CDK5RAP3: variants seen among roughly 807,000 people sequenced by gnomAD.
The protein encoded by CDK5RAP3 is CDK5 regulatory subunit associated protein 3, also known as CDK5 regulatory subunit-associated protein 3.
CDK5RAP3 carries 58 observed loss-of-function variants against 73.3 expected under a neutral mutation model. That is an observed-to-expected ratio of 0.79 (90% CI 0.64 to 0.98). CDK5RAP3 has a LOEUF of 0.98. Ranked by LOEUF, CDK5RAP3 falls within the 50% of genes least tolerant of loss-of-function variation. The probability of loss-of-function intolerance (pLI) is 0.00; values close to 1 mark genes in which losing one functional copy is unlikely to be tolerated. For synonymous variants in CDK5RAP3, 224 were observed against 247.5 expected (o/e 0.91, Z 0.89); for missense variants, 525 against 615.8 (o/e 0.85, Z 1.56).
At chr17:47,968,510 TTTG>T (rs958476868), upstream of CDK5RAP3, among the ~76,000 whole-genome samples, 1 of 151,528 alleles carries the variant, frequency 6.6e-6, no homozygotes, top group African/African-American at 2.4e-5. Context: ...TGTTTGTTTG[TTTG>T]TTTTTTGTTT....
upstream of CDK5RAP3, among the ~76,000 whole-genome samples, chr17:47,969,556 CAAAAA>C (rs36208323): frequency 3.3e-4 from 26 of 79,852 alleles, no homozygotes; most frequent in African/African-American, 1.2e-3. Flanking sequence ...GACTCCGTCT[CAAAAA>C]AAAAAAAAAA....
At chr17:47,974,697 G>A in intron 5 of CDK5RAP3, 1 of 1,352,138 alleles carries the variant, frequency 7.4e-7, no homozygotes, top group Non-Finnish European at 9.5e-7. Flanking sequence ...AGGTGTGTGT[G>A]GGTCCTCCAC....
intron 5 of CDK5RAP3, chr17:47,974,873 T>C: frequency 1.5e-6 from 2 of 1,318,362 alleles, no homozygotes; most frequent in South Asian, 3.1e-5. Context: ...TAAATAATAA[T>C]AATGGCTAAT....
chr17:47,978,791 C>T, intron 10 of CDK5RAP3, 38 bp from the exon 11 acceptor site: 2 of 1,524,718 alleles, frequency 1.3e-6, no homozygotes, highest in Non-Finnish European at 9.1e-7. Context: ...TTCTCCAGTC[C>T]TCTGATCCTT....
chr17:47,975,446 C>G (rs1040468747), intron 6 of CDK5RAP3, 68 bp from the exon 7 acceptor site: 1 of 1,608,952 alleles, frequency 6.2e-7, no homozygotes. Context: ...GGGCCAGTGT[C>G]TTACTTTTCT....
intron 2 of CDK5RAP3, 48 bp from the exon 3 acceptor site, chr17:47,973,471 T>A: frequency 6.3e-7 from 1 of 1,594,460 alleles, no homozygotes; most frequent in Non-Finnish European, 8.6e-7. Flanking sequence ...GTGATGGAAT[T>A]TTGGTGATGT....
At position 47,973,923 on chromosome 17, in the gene CDK5RAP3, C is replaced by T. The variant is rs775602161; in HGVS notation, c.185-8C>T. 6.2e-7 allele frequency: 1 copy of T among 1,604,658 alleles called. No individual in the cohort carries two copies. The highest frequency in any genetic ancestry group is 8.5e-7 in the Non-Finnish European group (1 of 1,171,378). On this transcript the variant is annotated splice_polypyrimidine_tract_variant and splice_region_variant and intron_variant, in intron 3 of 13. Transcript: ENST00000338399. ...TTAGTTCTCGAAATCCCGTCTCTTGCTTTCTAGACATTCACTACTTTCACT... is the reference window on the plus strand; with the variant it reads ...TTAGTTCTCGAAATCCCGTCTCTTGTTTTCTAGACATTCACTACTTTCACT...
chr17:47,975,048 C>A (rs746909499), intron 5 of CDK5RAP3, 111 bp from the exon 6 acceptor site: 4 of 1,606,662 alleles, frequency 2.5e-6, no homozygotes, highest in Non-Finnish European at 3.4e-6. Context: ...ACAAGTGGGG[C>A]TGGGAAGCTG....
In CDK5RAP3 at chr17:47,974,039, TGGGCCAA is replaced by T; in HGVS notation, c.285+14_285+20del. 6.3e-7 allele frequency: 1 copy of T among 1,595,174 alleles called. No individual in the cohort carries two copies. ...TCTTCACAGCGGATGAAGGCAAGTG[TGGGCCAA>T]GGGCCGGTAGTATGTGGTTGGGGAC... is the stretch of plus-strand genomic sequence containing the variant. On this transcript the variant is annotated intron_variant, in intron 4 of 13. Transcript: ENST00000338399.
rs549612387 is a variant in CDK5RAP3, at chr17:47,974,535, T to C, written c.334+87T>C. On this transcript the variant is annotated intron_variant, in intron 5 of 13. Coordinates refer to ENST00000338399, the MANE Select transcript of CDK5RAP3 (RefSeq NM_176096.3). ...GATACCAGGCTTATAGGAGGCACAG[T>C]CTGTGAGTGGGAAGAGACTGGAGTG... 6.5e-4 allele frequency: 1,045 copies of C among 1,608,326 alleles called. 1 individual carries two copies. The highest frequency in any genetic ancestry group is 8.1e-4 in the Non-Finnish European group (949 of 1,176,862).
rs771472549 is a variant in CDK5RAP3, at chr17:47,975,202, C to A, written c.378C>A (p.Ile126=). 10 of 1,614,052 alleles carry A rather than the reference C, an allele frequency of 6.2e-6. No individual in the cohort carries two copies. The East Asian group carries it at 2.2e-4, about 36-fold the overall frequency. The part of the protein sequence containing the change: ...SLLVRNVNYE[I]PSLKKQIAKC... ...TGGTTCGGAATGTCAACTATGAGATCCCCTCACTGAAGAAGCAGATTGCCA... is the reference window on the plus strand; with the variant it reads ...TGGTTCGGAATGTCAACTATGAGATACCCTCACTGAAGAAGCAGATTGCCA... Residue 126 remains isoleucine, a synonymous_variant, in exon 6 of 14, where the codon ATC becomes ATA. Transcript: ENST00000338399.
chr17:47,970,888 C>T (rs2036242928), upstream of CDK5RAP3: 9 of 1,438,806 alleles, frequency 6.3e-6, no homozygotes, highest in South Asian at 4.2e-5. Flanking sequence ...CCTCCCGTCC[C>T]CTGCCCTGAG....
In CDK5RAP3 at chr17:47,981,535, C is replaced by T. The variant is rs112342224; in HGVS notation, c.*33C>T. 8,904 of 1,614,176 alleles carry T rather than the reference C, an allele frequency of 5.5e-3. 42 individuals are homozygous for T. The highest frequency in any genetic ancestry group is 6.0e-3 in the South Asian group (549 of 91,080). Reference sequence around the variant, plus strand: ...CGTGTTCTTGCCTGCCCATCTTCTCCGCTTTTGGGATGAAGATGATAGCCA... The same window carrying T: ...CGTGTTCTTGCCTGCCCATCTTCTCTGCTTTTGGGATGAAGATGATAGCCA... On this transcript the variant is annotated 3_prime_UTR_variant, in exon 14 of 14. Coordinates refer to ENST00000338399, the MANE Select transcript of CDK5RAP3 (RefSeq NM_176096.3).
At chr17:47,981,135 C>T in intron 12 of CDK5RAP3, 28 bp from the exon 13 acceptor site, 1 of 1,601,074 alleles carries the variant, frequency 6.2e-7, no homozygotes. Flanking sequence ...CACAGCTAAC[C>T]CAGCACTCAC....
intron 1 of CDK5RAP3, 82 bp downstream of exon 1, chr17:47,971,234 C>T: frequency 2.6e-6 from 4 of 1,530,258 alleles, no homozygotes; most frequent in South Asian, 1.2e-5. Flanking sequence ...GGAAGCGGCT[C>T]AACCCAGCCC....
Position 47,977,773 on chromosome 17 carries a change from G to A in CDK5RAP3, c.910-59G>A, listed in dbSNP as rs143721991. On this transcript the variant is annotated intron_variant, in intron 9 of 13. Coordinates refer to ENST00000338399, the MANE Select transcript of CDK5RAP3 (RefSeq NM_176096.3). ...CTCATCAAGGGCTTTGGTTTATTCT[G>A]GCTCCTTGGCTCAGGAAAATTCTCC... 2.4e-4 allele frequency: 335 copies of A among 1,421,344 alleles called. 3 individuals carry two copies. In the African/African-American group the frequency reaches 4.2e-3, roughly 18 times the overall value. The allele number at this position is 1,421,344 out of a possible 1,614,324, so 88.0% of individuals were successfully genotyped here. A position where few individuals can be genotyped will look rare whatever the true frequency, so the allele number is the denominator to read the frequency against.
chr17:47,973,971 C>T lies in CDK5RAP3; in HGVS notation c.225C>T (p.Leu75=), dbSNP rs750026497. Residue 75 remains leucine (L), a synonymous_variant, in exon 4 of 14, where the codon CTC becomes CTT. Coordinates refer to ENST00000338399, the MANE Select transcript of CDK5RAP3 (RefSeq NM_176096.3). Reference sequence around the variant, plus strand: ...ACTGCCTAAGAATCCTGGACCTTCTCAAAGGCACAGAGGCCTCCACGAAGA... The same window carrying T: ...ACTGCCTAAGAATCCTGGACCTTCTTAAAGGCACAGAGGCCTCCACGAAGA... ...YFHCLRILDL[L]KGTEASTKNI... 6.2e-7 allele frequency: 1 copy of T among 1,614,120 alleles called. No individual in the cohort carries two copies.
At chr17:47,978,059 A>T in intron 10 of CDK5RAP3, 149 bp downstream of exon 10, 1 of 481,448 alleles carries the variant, frequency 2.1e-6, no homozygotes, top group East Asian at 3.7e-5. Flanking sequence ...GCTGAGGGGG[A>T]CCAAGAGAGG....
At position 47,978,906 on chromosome 17, in the gene CDK5RAP3, G is replaced by C. The variant is rs2036487559; in HGVS notation, c.1066G>C (p.Glu356Gln). 7.4e-6 allele frequency: 12 copies of C among 1,613,454 alleles called. No individual in the cohort carries two copies. The highest frequency in any genetic ancestry group is 1.0e-5 in the Non-Finnish European group (12 of 1,179,496). Residue 356 changes from glutamate (E) to glutamine (Q), a missense_variant, in exon 11 of 14, where the codon GAG becomes CAG. By Grantham distance (29) the Glu-to-Gln change is conservative. This residue lies in a region of CDK5RAP3 where 116 missense variants were observed against 186.1 expected (regional missense o/e 0.62). Coordinates refer to ENST00000338399, the MANE Select transcript of CDK5RAP3 (RefSeq NM_176096.3). ...TGAGACCCGGAATCAGTTCCTTGAT[G>C]AGCTCATGGAGGTACTGTCATCTCT... is the stretch of plus-strand genomic sequence containing the variant. ...YTETRNQFLD[E>Q]LMELEIFLAQ...
Sources: allele counts gnomAD v4.1 joint callset (sites outside exome capture counted in the v4.1 genomes callset), GRCh38; gene constraint gnomAD v4.1.1; regional missense constraint gnomAD v4.1.1; transcripts MANE v1.5; gene names NCBI Gene and HGNC (gene_info 2026-07-23, HGNC 2026-07-21).